The following QTMAN variants were observed in gnomAD, a reference collection of about 807,000 sequenced individuals.
The protein encoded by QTMAN is queuosine-tRNA mannosyltransferase, also known as tRNA-queuosine alpha-mannosyltransferase.
the QTMAN span, among the ~76,000 whole-genome samples, chr2:144,205,361 G>C: frequency 3.3e-5 from 5 of 152,114 alleles, no homozygotes; most frequent in Non-Finnish European, 7.3e-5. Flanking sequence ...TCTTTTATAA[G>C]TAAAATTTAA....
chr2:144,312,397 C>T, the QTMAN span, among the ~76,000 whole-genome samples: 10 of 152,124 alleles, frequency 6.6e-5, no homozygotes, highest in African/African-American at 2.2e-4. Flanking sequence ...GCAAGCAGCC[C>T]TCCTTGGCAG....
the QTMAN span, among the ~76,000 whole-genome samples, chr2:144,033,888 A>G: frequency 6.6e-6 from 1 of 152,236 alleles, no homozygotes; most frequent in Non-Finnish European, 1.5e-5. Flanking sequence ...AGGAACCTGA[A>G]GCAAAGATCA....
chr2:144,265,904 T>C, the QTMAN span, among the ~76,000 whole-genome samples: 58 of 152,266 alleles, frequency 3.8e-4, no homozygotes, highest in Non-Finnish European at 4.3e-4. Context: ...AGAATCCAGT[T>C]TGACTCCTTC....
the QTMAN span, among the ~76,000 whole-genome samples, chr2:144,171,872 C>A: frequency 6.6e-6 from 1 of 152,054 alleles, no homozygotes; most frequent in Admixed American, 6.6e-5. Flanking sequence ...CTAAAATACA[C>A]ACATGTACTT....
the QTMAN span, among the ~76,000 whole-genome samples, chr2:144,249,396 G>A: frequency 6.6e-6 from 1 of 152,168 alleles, no homozygotes; most frequent in Non-Finnish European, 1.5e-5. Flanking sequence ...AATAGACCAT[G>A]CATGTGTAAG....
the QTMAN span, chr2:144,007,200 A>G: frequency 6.3e-7 from 1 of 1,594,930 alleles, no homozygotes; most frequent in Non-Finnish European, 8.6e-7. Context: ...AGGCCAGACA[A>G]TGTGTAGCAG....
the QTMAN span, among the ~76,000 whole-genome samples, chr2:144,245,597 T>C: frequency 6.6e-6 from 1 of 152,224 alleles, no homozygotes; most frequent in African/African-American, 2.4e-5. Context: ...AATTCTCTAT[T>C]TGTGTTTTTC....
chr2:144,033,943 A>G, the QTMAN span, among the ~76,000 whole-genome samples: 1 of 152,198 alleles, frequency 6.6e-6, no homozygotes, highest in Admixed American at 6.5e-5. Flanking sequence ...ACACACAAGA[A>G]AGCAGTGGGG....
chr2:144,092,868 GGGGTGTGTGTGTGT>G, the QTMAN span, among the ~76,000 whole-genome samples: 8 of 89,490 alleles, frequency 8.9e-5, no homozygotes, highest in East Asian at 1.3e-3. Context: ...ATAAACTTTT[GGGGTGTGTGTGTGT>G]GTGTGTGTGT....
the QTMAN span, among the ~76,000 whole-genome samples, chr2:144,328,768 G>GA: frequency 4.7e-5 from 7 of 150,346 alleles, no homozygotes; most frequent in East Asian, 7.8e-4. Context: ...TTAGTAGAAA[G>GA]AAAAAAAAAG....
the QTMAN span, among the ~76,000 whole-genome samples, chr2:144,023,792 A>G: frequency 5.3e-5 from 8 of 152,226 alleles, no homozygotes; most frequent in Non-Finnish European, 1.5e-5. Context: ...CTTTAATCAT[A>G]TAATAAATAT....
At chr2:144,139,883 C>T in the QTMAN span, among the ~76,000 whole-genome samples, 1 of 151,962 alleles carries the variant, frequency 6.6e-6, no homozygotes, top group African/African-American at 2.4e-5. Flanking sequence ...GTATCTTCTG[C>T]TTTGTTTTCA....
At chr2:144,130,935 A>T in the QTMAN span, among the ~76,000 whole-genome samples, 3 of 152,008 alleles carry the variant, frequency 2.0e-5, no homozygotes, top group Non-Finnish European at 4.4e-5. Flanking sequence ...CTCTGAGAAG[A>T]CAAAGAGAAG....
At chr2:144,127,047 C>T in the QTMAN span, among the ~76,000 whole-genome samples, 1 of 151,944 alleles carries the variant, frequency 6.6e-6, no homozygotes, top group African/African-American at 2.4e-5. Context: ...CACATTAACG[C>T]TTACCTGCAT....
At chr2:144,031,702 G>C in the QTMAN span, among the ~76,000 whole-genome samples, 3 of 152,088 alleles carry the variant, frequency 2.0e-5, no homozygotes, top group African/African-American at 7.2e-5. Context: ...AATTTACTTT[G>C]GAATTTTTAT....
chr2:144,194,440 T>C, the QTMAN span, among the ~76,000 whole-genome samples: 3 of 152,144 alleles, frequency 2.0e-5, no homozygotes, highest in African/African-American at 7.2e-5. Context: ...GCCTAATAGG[T>C]ACAAGAGAGA....
At chr2:143,941,718 T>TA in the QTMAN span, 2 of 151,954 alleles carry the variant, frequency 1.3e-5, no homozygotes, top group Non-Finnish European at 2.9e-5. Flanking sequence ...CATAGTCTCT[T>TA]ATGTCCCTTT....
chr2:144,135,721 C>T, the QTMAN span, among the ~76,000 whole-genome samples: 1 of 152,076 alleles, frequency 6.6e-6, no homozygotes, highest in African/African-American at 2.4e-5. Flanking sequence ...GTACTAGAGA[C>T]CAGAGTTTCT....
At chr2:144,062,601 C>T in the QTMAN span, among the ~76,000 whole-genome samples, 2 of 152,180 alleles carry the variant, frequency 1.3e-5, no homozygotes, top group Admixed American at 1.3e-4. Flanking sequence ...AAAAAACCTG[C>T]ATTTTACTAA....
Sources: allele counts gnomAD v4.1 joint callset (sites outside exome capture counted in the v4.1 genomes callset), GRCh38; gene constraint gnomAD v4.1.1; transcripts MANE v1.5; gene names NCBI Gene and HGNC (gene_info 2026-07-23, HGNC 2026-07-21).